IL17RE: variants seen among roughly 807,000 people sequenced by gnomAD.
IL17RE encodes the protein interleukin-17 receptor E.
A neutral mutation model predicts 70.7 loss-of-function variants in IL17RE; 47 were observed. That is an observed-to-expected ratio of 0.67 (90% CI 0.53 to 0.85). The LOEUF is 0.85. Ranked by LOEUF, IL17RE falls within the 40% of genes least tolerant of loss-of-function variation. The pLI is 0.00. For missense variants in IL17RE, 850 were observed against 893.9 expected (o/e 0.95, Z 0.63); for synonymous variants, 372 against 381.2 (o/e 0.98, Z 0.28).
At chr3:9,914,400 A>T in intron 13 of IL17RE, 148 bp from the exon 14 acceptor site, 2 of 1,509,668 alleles carry the variant, frequency 1.3e-6, no homozygotes, top group Non-Finnish European at 1.8e-6. Flanking sequence ...GTTCTGTGCC[A>T]GGCTAGCAGC....
intron 12 of IL17RE, chr3:9,911,862 C>T (rs957636953): frequency 2.7e-4 from 91 of 331,682 alleles, no homozygotes; most frequent in African/African-American, 1.6e-3. Flanking sequence ...AGTGCAGTGG[C>T]GCGATCTCGG....
chr3:9,908,271 G>A lies in IL17RE; in HGVS notation c.699G>A (p.Leu233=). The change falls in exon 7 of 16, where the codon CTG becomes CTA. Residue 233 remains leucine, a synonymous_variant. Transcript: ENST00000383814. ...TGTCTGGGGGCCACACTGTAGAGCT[G>A]CCTTATGAATTCCTTCTGCCCTGTC... ...KIVSGGHTVE[L]PYEFLLPCLC... 6.2e-7 allele frequency: 1 copy of A among 1,614,210 alleles called. No homozygotes were observed.
chr3:9,913,434 TAAAC>T (rs1307634244), intron 12 of IL17RE, among the ~76,000 whole-genome samples: 2 of 150,916 alleles, frequency 1.3e-5, no homozygotes, highest in South Asian at 2.1e-4. Flanking sequence ...AATAAATAAA[TAAAC>T]AAACATAAAA....
Position 9,911,178 on chromosome 3 carries a change from C to G in IL17RE, c.1026+4C>G. ...GCACCCCCAGCTCTGCTTCAAGGTA[C>G]AACCATGGGTAAGAAAAGATGTGGT... is the stretch of plus-strand genomic sequence containing the variant. On this transcript the variant is annotated splice_donor_region_variant and intron_variant, in intron 10 of 15. Coordinates refer to ENST00000383814, the MANE Select transcript of IL17RE (RefSeq NM_153480.2). 1 of 1,614,198 alleles carries G rather than the reference C, an allele frequency of 6.2e-7. No homozygotes were observed. Among genetic ancestry groups the G allele is most frequent in the South Asian group, 1.1e-5 (1 of 91,090 alleles).
At chr3:9,914,884 T>C in intron 15 of IL17RE, 107 bp downstream of exon 15, 1 of 963,372 alleles carries the variant, frequency 1.0e-6, no homozygotes, top group Non-Finnish European at 1.6e-6. Flanking sequence ...CCAATCTCTG[T>C]TACCCAGGCA....
chr3:9,903,203 G>A (rs1269744304), intron 1 of IL17RE, 139 bp downstream of exon 1: 1 of 957,888 alleles, frequency 1.0e-6, no homozygotes, highest in Non-Finnish European at 1.6e-6. Flanking sequence ...GTCTCAAAGG[G>A]GTAGCCAAGG....
chr3:9,915,159 C>T lies in IL17RE; in HGVS notation c.1448-92C>T. ...AGGGGCGGGGGCGGGGGCGGAGAGG[C>T]GAGCACCCTACGGTATCCCGAGAGG... On this transcript the variant is annotated intron_variant, in intron 15 of 15. Transcript: ENST00000383814. The surrounding 1 kb of genome is among the most constrained non-coding windows in gnomAD (Gnocchi z 4.9). The T allele has an allele frequency of 1.5e-6, 2 of 1,341,686 alleles. No individual in the cohort carries two copies. Among genetic ancestry groups the T allele is most frequent in the Non-Finnish European group, 1.9e-6 (2 of 1,048,796 alleles). 83.1% of individuals were successfully genotyped at this position (1,341,686 alleles called of 1,614,324 possible).
Position 9,911,295 on chromosome 3 carries a change from A to G in IL17RE, c.1067A>G (p.Gln356Arg), listed in dbSNP as rs1361185549. 1 of 1,614,156 alleles carries G rather than the reference A, an allele frequency of 6.2e-7. No individual in the cohort carries two copies. Among genetic ancestry groups the G allele is most frequent in the Admixed American group, 1.7e-5 (1 of 60,018 alleles). The change falls in exon 11 of 16, where the codon CAG becomes CGG. Residue 356 changes from glutamine to arginine, a missense_variant. Coordinates refer to ENST00000383814, the MANE Select transcript of IL17RE (RefSeq NM_153480.2). ...GNSSHVECPH[Q>R]TGSLTSWNVS... ...AGCAGCCATGTTGAATGCCCCCACC[A>G]GACTGGTGAGTCAATAAGTGACCTC...
Position 9,914,799 on chromosome 3 carries a change from T to C in IL17RE, c.1447+22T>C, listed in dbSNP as rs559990441. 5.0e-5 allele frequency: 81 copies of C among 1,606,358 alleles called. No individual in the cohort carries two copies. In the East Asian group the frequency reaches 1.4e-3, roughly 27 times the overall value. ...TCAGGTAAGCTCACCTGGGGTAACC[T>C]GGGAAGTCAGACCTGCCCAGCTCGG... is the stretch of plus-strand genomic sequence containing the variant. On this transcript the variant is annotated intron_variant, in intron 15 of 15. Coordinates refer to ENST00000383814, the MANE Select transcript of IL17RE (RefSeq NM_153480.2).
chr3:9,914,835 C>G, intron 15 of IL17RE, 58 bp downstream of exon 15: 1 of 1,366,114 alleles, frequency 7.3e-7, no homozygotes, highest in East Asian at 2.3e-5. Flanking sequence ...AGACTAGCTG[C>G]CCCCTCACCC....
At position 9,915,460 on chromosome 3, in the gene IL17RE, G is replaced by T; in HGVS notation, c.1657G>T (p.Gly553Cys). 7.4e-7 allele frequency: 1 copy of T among 1,350,126 alleles called. No individual in the cohort carries two copies. Among genetic ancestry groups the T allele is most frequent in the Non-Finnish European group, 9.4e-7 (1 of 1,059,648 alleles). The allele number at this position is 1,350,126 out of a possible 1,614,324, so 83.6% of individuals were successfully genotyped here. ...GCGGACGCGCGTAGCGCGGGAGCAG[G>T]GCACTGTGCTGCTGCTGTGGAGCGG... Reference protein sequence around the residue: ...AARTRVAREQGTVLLLWSGAD... With the variant: ...AARTRVAREQCTVLLLWSGAD... The change falls in exon 16 of 16, where the codon GGC (glycine) becomes TGC (cysteine). Residue 553 changes from glycine to cysteine, a missense_variant. By Grantham distance (159) the Gly-to-Cys change is radical (BLOSUM62 -3). Coordinates refer to ENST00000383814, the MANE Select transcript of IL17RE (RefSeq NM_153480.2). The surrounding 1 kb of genome is among the most constrained non-coding windows in gnomAD (Gnocchi z 4.9).
Position 9,908,273 on chromosome 3 carries a change from C to T in IL17RE, c.701C>T (p.Pro234Leu). ...TCTGGGGGCCACACTGTAGAGCTGC[C>T]TTATGAATTCCTTCTGCCCTGTCTG... ...IVSGGHTVEL[P>L]YEFLLPCLCI... Residue 234 changes from proline to leucine, a missense_variant, in exon 7 of 16, where the codon CCT (proline) becomes CTT (leucine). Pro to Leu is a moderately conservative substitution (Grantham distance 98). Coordinates refer to ENST00000383814, the MANE Select transcript of IL17RE (RefSeq NM_153480.2). The T allele has an allele frequency of 6.2e-7, 1 of 1,614,188 alleles. No homozygotes were observed. Among genetic ancestry groups the T allele is most frequent in the Non-Finnish European group, 8.5e-7 (1 of 1,180,034 alleles).
rs2082774706 is a variant in IL17RE, at chr3:9,907,018, C to A, written c.584C>A (p.Ser195Tyr). ...GCCCGGGCTATTCGGGTGACCATAT[C>A]TTCAGGCCCTGAGGTCAGCGTGCGT... ...PEARAIRVTI[S>Y]SGPEVSVRLC... Residue 195 changes from serine (S) to tyrosine (Y), a missense_variant, in exon 6 of 16, where the codon TCT becomes TAT. By Grantham distance (144) the Ser-to-Tyr change is moderately radical. Coordinates refer to ENST00000383814, the MANE Select transcript of IL17RE (RefSeq NM_153480.2). The A allele has an allele frequency of 6.2e-7, 1 of 1,614,066 alleles. No homozygotes were observed. The highest frequency in any genetic ancestry group is 1.3e-5 in the African/African-American group (1 of 74,912).
rs1367140819 is a variant in IL17RE at position 9,914,348 on chromosome 3, G to T, written c.1297-200G>T. On this transcript the variant is annotated intron_variant, in intron 13 of 15. Coordinates refer to ENST00000383814, the MANE Select transcript of IL17RE (RefSeq NM_153480.2). ...CTGGTCAACTTTGAGTTTACTTTTT[G>T]AGTTTGGCCCCTGTCACACTTGAGT... 2.1e-6 allele frequency: 3 copies of T among 1,403,320 alleles called. No individual in the cohort carries two copies. In the East Asian group the frequency reaches 7.5e-5, roughly 35 times the overall value. 86.9% of individuals were successfully genotyped at this position (1,403,320 alleles called of 1,614,324 possible). A position where few individuals can be genotyped will look rare whatever the true frequency, so the allele number is the denominator to read the frequency against.
intron 12 of IL17RE, among the ~76,000 whole-genome samples, chr3:9,913,334 G>T (rs148007852): frequency 6.6e-6 from 1 of 151,960 alleles, no homozygotes. Flanking sequence ...AACCCAGGAG[G>T]TGGAGGTTGC....
chr3:9,915,573 G>A lies in IL17RE; in HGVS notation c.1770G>A (p.Leu590=). ...ACGCTGCCCCGCGCCCGCTGCTGCT[G>A]CTCGCTTACTTCAGTCGCCTCTGCG... The part of the protein sequence containing the change: ...LLHAAPRPLL[L]LAYFSRLCAK... Residue 590 remains leucine, a synonymous_variant, in exon 16 of 16, where the codon CTG becomes CTA. Coordinates refer to ENST00000383814, the MANE Select transcript of IL17RE (RefSeq NM_153480.2). The surrounding 1 kb of genome is among the most constrained non-coding windows in gnomAD (Gnocchi z 4.9). The A allele has an allele frequency of 6.4e-6, 9 of 1,416,810 alleles. No homozygotes were observed. The highest frequency in any genetic ancestry group is 8.3e-6 in the Non-Finnish European group (9 of 1,087,786). The allele number at this position is 1,416,810 out of a possible 1,614,324, so 87.8% of individuals were successfully genotyped here. A position where few individuals can be genotyped will look rare whatever the true frequency, so the allele number is the denominator to read the frequency against.
intron 12 of IL17RE, among the ~76,000 whole-genome samples, chr3:9,913,333 G>C (rs1458766657): frequency 6.6e-6 from 1 of 152,058 alleles, no homozygotes; most frequent in Non-Finnish European, 1.5e-5. Context: ...GAACCCAGGA[G>C]GTGGAGGTTG....
chr3:9,905,530 G>C (rs138445554), intron 3 of IL17RE, among the ~76,000 whole-genome samples: 312 of 151,586 alleles, frequency 2.1e-3, no homozygotes, highest in African/African-American at 6.4e-3. Flanking sequence ...AGAAAAGAGA[G>C]AGAGGCAGGG....
chr3:9,906,614 A>G (rs907272325), intron 4 of IL17RE, 92 bp from the exon 5 acceptor site: 1 of 1,513,672 alleles, frequency 6.6e-7, no homozygotes, highest in Middle Eastern at 2.1e-4. Flanking sequence ...AGTTTGAGCA[A>G]CTTGCCTGTA....
Sources: gnomAD v4.1 joint callset for allele counts (sites outside exome capture counted in the v4.1 genomes callset) on GRCh38, gnomAD v4.1.1 for gene constraint, Gnocchi (gnomAD v3.1) non-coding constraint, MANE v1.5 for transcripts, NCBI Gene and HGNC (gene_info 2026-07-23, HGNC 2026-07-21) for gene names.